The following GALK2 variants were observed in gnomAD, a reference collection of about 807,000 sequenced individuals.
GALK2 encodes the protein galactokinase 2.
Under a neutral mutation model 52.4 loss-of-function variants are expected in GALK2, and 36 were observed. The ratio of observed to expected loss-of-function variants is 0.69; its 90% CI spans 0.53 to 0.91. The LOEUF (loss-of-function observed/expected upper bound fraction) is 0.91. GALK2 is among the 40% of genes least tolerant of loss of function. The pLI, the probability that GALK2 is intolerant of heterozygous loss-of-function variation, is 0.00. For missense variants in GALK2, 579 were observed against 559.1 expected, an observed-to-expected ratio of 1.04 and a Z score of -0.36; for synonymous variants, 176 against 199.1, an observed-to-expected ratio of 0.88 and a Z score of 0.98.
intron 3 of GALK2, among the ~76,000 whole-genome samples, chr15:49,359,609 G>A (rs1475612883): frequency 8.2e-6 from 1 of 122,080 alleles, no homozygotes; most frequent in African/African-American, 3.1e-5. Flanking sequence ...GAGAGGATGT[G>A]GAGAAATAGG....
In GALK2 at chr15:49,350,794, GCTCT is replaced by G. The variant is rs1187950313; in HGVS notation, c.427-16694_427-16691del. On this transcript the variant is annotated intron_variant, in intron 3 of 3. Coordinates refer to the GALK2 transcript ENST00000558399. The stretch of plus-strand genomic sequence containing the variant: ...ATATGACTTTTCCTTTCCTAACAGT[GCTCT>G]CTAAGATATGCGAGCCAAAGACAAA... Among the ~76,000 whole-genome samples the G allele has an allele frequency of 9.2e-5, 14 of 152,184 alleles. 1 individual carries two copies. Among genetic ancestry groups the G allele is most frequent in the African/African-American group, 2.9e-4 (12 of 41,532 alleles).
intron 3 of GALK2, among the ~76,000 whole-genome samples, chr15:49,230,680 A>T (rs1220987430): frequency 6.6e-6 from 1 of 152,206 alleles, no homozygotes; most frequent in Admixed American, 6.5e-5. Context: ...CAGGTGTCTT[A>T]TAATGGTCTA....
chr15:49,259,734 C>T (rs550566306), intron 5 of GALK2, among the ~76,000 whole-genome samples: 1 of 141,788 alleles, frequency 7.1e-6, no homozygotes, highest in Non-Finnish European at 1.5e-5. Context: ...CCCCCCTCCC[C>T]CAACCCCACC....
At chr15:49,277,984 T>C (rs1012099527) in intron 5 of GALK2, among the ~76,000 whole-genome samples, 3 of 151,520 alleles carry the variant, frequency 2.0e-5, no homozygotes, top group Admixed American at 6.6e-5. Flanking sequence ...GGCATAGGGC[T>C]GGGTGCGGTG....
chr15:49,156,901 A>T (rs61442055), intron 1 of GALK2: 93,849 of 486,480 alleles, frequency 0.19, 9,713 homozygotes, highest in Middle Eastern at 0.26. Context: ...CATCCTGTAT[A>T]TTTTCTTATT....
chr15:49,282,445 T>A (rs941613836), intron 6 of GALK2, among the ~76,000 whole-genome samples: 1 of 152,198 alleles, frequency 6.6e-6, no homozygotes, highest in African/African-American at 2.4e-5. Flanking sequence ...TCTCATGCAT[T>A]TTTATAATCT....
intron 3 of GALK2, chr15:49,365,109 G>A (rs2044897574): frequency 8.7e-6 from 6 of 690,654 alleles, no homozygotes; most frequent in Non-Finnish European, 1.6e-5. Flanking sequence ...CATTATAGCA[G>A]TTCCACATAA....
intron 3 of GALK2, chr15:49,353,709 G>A (rs1329832949): frequency 6.6e-6 from 1 of 151,198 alleles, no homozygotes; most frequent in Non-Finnish European, 1.5e-5. Context: ...ATTTTAGAAG[G>A]ACTGAGGGAA....
At chr15:49,197,585 T>C (rs2087346996) in intron 1 of GALK2, among the ~76,000 whole-genome samples, 1 of 152,164 alleles carries the variant, frequency 6.6e-6, no homozygotes, top group South Asian at 2.1e-4. Context: ...TTTTATACAA[T>C]ATTTTAAATA....
At chr15:49,232,854 G>T (rs1468115401) in intron 3 of GALK2, among the ~76,000 whole-genome samples, 1 of 152,114 alleles carries the variant, frequency 6.6e-6, no homozygotes. Flanking sequence ...GACCTTCTTA[G>T]CTGGGATTTC....
At chr15:49,335,508 A>G, downstream of GALK2, 1 of 1,597,416 alleles carries the variant, frequency 6.3e-7, no homozygotes, top group Non-Finnish European at 8.6e-7. Flanking sequence ...TGCTAGGCTT[A>G]TTATTAAGGA....
At chr15:49,249,684 A>C (rs1333473811) in intron 5 of GALK2, among the ~76,000 whole-genome samples, 1 of 152,266 alleles carries the variant, frequency 6.6e-6, no homozygotes, top group Admixed American at 6.5e-5. Context: ...AGGAATAAAT[A>C]GTACTTCTCT....
chr15:49,180,247 C>T (rs1328970360), intron 1 of GALK2, among the ~76,000 whole-genome samples: 2 of 152,144 alleles, frequency 1.3e-5, no homozygotes, highest in African/African-American at 2.4e-5. Context: ...GATTCAAGTT[C>T]AGGAAAACTT....
At chr15:49,240,665 A>T (rs1349733884) in intron 5 of GALK2, among the ~76,000 whole-genome samples, 1 of 152,224 alleles carries the variant, frequency 6.6e-6, no homozygotes, top group East Asian at 1.9e-4. Flanking sequence ...AGAGAACATC[A>T]TGTGGAAATG....
rs28567928 is a variant in GALK2, at chr15:49,292,803, T to C, written c.967+266T>C. ...AAGCTTCTCTTTTTTATCTTTTTTTTCCCTTATCCATTTTTTTCTGGTTAT... is the reference window on the plus strand; with the variant it reads ...AAGCTTCTCTTTTTTATCTTTTTTTCCCCTTATCCATTTTTTTCTGGTTAT... On this transcript the variant is annotated intron_variant, in intron 8 of 9. Coordinates refer to ENST00000560031, the MANE Select transcript of GALK2 (RefSeq NM_002044.4). 2.7e-3 allele frequency among the ~76,000 whole-genome samples: 413 copies of C among 152,296 alleles called. 4 individuals are homozygous for C. Among genetic ancestry groups the C allele is most frequent in the African/African-American group, 9.7e-3 (403 of 41,562 alleles).
At chr15:49,303,685 T>A (rs1481944354) in intron 8 of GALK2, among the ~76,000 whole-genome samples, 1 of 152,196 alleles carries the variant, frequency 6.6e-6, no homozygotes, top group Admixed American at 6.5e-5. Context: ...TTGGCATCAC[T>A]GGCCTCCTTG....
chr15:49,175,783 A>C (rs1238872878), intron 1 of GALK2, among the ~76,000 whole-genome samples: 1 of 152,224 alleles, frequency 6.6e-6, no homozygotes, highest in Non-Finnish European at 1.5e-5. Flanking sequence ...TGGTAGTTAA[A>C]GATCAACCCC....
At chr15:49,196,414 G>A (rs2087239853) in intron 1 of GALK2, among the ~76,000 whole-genome samples, 1 of 152,048 alleles carries the variant, frequency 6.6e-6, no homozygotes, top group Non-Finnish European at 1.5e-5. Context: ...AAATTTGCAG[G>A]TAGGAAGACC....
At chr15:49,162,024 G>T (rs1435024489) in intron 1 of GALK2, among the ~76,000 whole-genome samples, 1 of 152,036 alleles carries the variant, frequency 6.6e-6, no homozygotes, top group African/African-American at 2.4e-5. Flanking sequence ...CAGCCTTAAA[G>T]TATAAAATTT....
Sources: gnomAD v4.1 joint callset for allele counts (sites outside exome capture counted in the v4.1 genomes callset) on GRCh38, gnomAD v4.1.1 for gene constraint, MANE v1.5 for transcripts, NCBI Gene and HGNC (gene_info 2026-07-23, HGNC 2026-07-21) for gene names.